The following CCDC88A variants were observed in gnomAD, a reference collection of about 807,000 sequenced individuals.
CCDC88A encodes coiled-coil and HOOK domain protein 88A.
CCDC88A carries 54 observed loss-of-function variants against 234.3 expected under a neutral mutation model. That is an observed-to-expected ratio of 0.23 (90% CI 0.19 to 0.29). The LOEUF (loss-of-function observed/expected upper bound fraction) is 0.29, where lower values mean the gene tolerates loss of function less well. CCDC88A is among the 10% of genes least tolerant of loss of function. CCDC88A has a pLI of 1.00. For synonymous variants in CCDC88A, 753 were observed against 737.8 expected, an observed-to-expected ratio of 1.02 and a Z score of -0.33; for missense variants, 1,832 against 2,123.4, an observed-to-expected ratio of 0.86 and a Z score of 2.70.
intron 2 of CCDC88A, among the ~76,000 whole-genome samples, chr2:55,414,090 G>A (rs1680956623): frequency 6.6e-6 from 1 of 152,126 alleles, no homozygotes. Flanking sequence ...AGTGTTCCAA[G>A]TACAGCTCTC....
At chr2:55,416,391 A>T (rs1228128768) in intron 2 of CCDC88A, among the ~76,000 whole-genome samples, 5 of 139,266 alleles carry the variant, frequency 3.6e-5, no homozygotes, top group Admixed American at 7.4e-5. Flanking sequence ...CTACTAATAT[A>T]TATGTAACTG....
intron 3 of CCDC88A, among the ~76,000 whole-genome samples, chr2:55,383,302 C>T (rs1674912963): frequency 6.6e-6 from 1 of 151,912 alleles, no homozygotes; most frequent in Non-Finnish European, 1.5e-5. Context: ...TCACTTTCCC[C>T]TTTGTGAGTC....
chr2:55,381,806 C>T (rs1422275152), intron 3 of CCDC88A, among the ~76,000 whole-genome samples: 3 of 152,130 alleles, frequency 2.0e-5, no homozygotes, highest in Admixed American at 2.0e-4. Flanking sequence ...CTTCGCTTTC[C>T]TGAATCACCA....
intron 22 of CCDC88A, 86 bp from the exon 23 acceptor site, chr2:55,312,665 T>G: frequency 2.1e-6 from 2 of 953,270 alleles, no homozygotes; most frequent in African/African-American, 3.3e-5. Flanking sequence ...ACACAAAGAT[T>G]TAAGTGTTCC....
At chr2:55,383,614 C>G (rs1674971016) in intron 3 of CCDC88A, among the ~76,000 whole-genome samples, 1 of 126,494 alleles carries the variant, frequency 7.9e-6, no homozygotes, top group South Asian at 2.6e-4. Context: ...CAAAGCGAGA[C>G]TCCGTCTTAA....
chr2:55,318,730 ATTTATC>A (rs1389504274), intron 19 of CCDC88A, 107 bp downstream of exon 19: 4 of 827,284 alleles, frequency 4.8e-6, no homozygotes, highest in Middle Eastern at 2.7e-4. Context: ...AAATATTTTC[ATTTATC>A]TTTAAGTTCA....
At chr2:55,413,667 A>G (rs985673495) in intron 2 of CCDC88A, among the ~76,000 whole-genome samples, 1 of 152,158 alleles carries the variant, frequency 6.6e-6, no homozygotes, top group Non-Finnish European at 1.5e-5. Context: ...CTCACAGCCT[A>G]GTCAATAGAG....
Position 55,288,511 on chromosome 2 carries a change from G to A in CCDC88A, c.*2689C>T, listed in dbSNP as rs916069424. ...AACCATTAAGACAGCACAGGCTGTAGTACTTCATTGTGAGGTGGCTACAAC... is the reference window on the plus strand; with the variant it reads ...AACCATTAAGACAGCACAGGCTGTAATACTTCATTGTGAGGTGGCTACAAC... On this transcript the variant is annotated 3_prime_UTR_variant, in exon 33 of 33. Transcript: ENST00000436346. 6.6e-6 allele frequency: 1 copy of A among 152,632 alleles called. No homozygotes were observed. Among genetic ancestry groups the A allele is most frequent in the Non-Finnish European group, 1.5e-5 (1 of 68,038 alleles). 9.5% of individuals were successfully genotyped at this position (152,632 alleles called of 1,614,324 possible). A position where few individuals can be genotyped will look rare whatever the true frequency, so the allele number is the denominator to read the frequency against.
At chr2:55,366,340 A>G (rs1399755676) in intron 5 of CCDC88A, among the ~76,000 whole-genome samples, 1 of 152,126 alleles carries the variant, frequency 6.6e-6, no homozygotes, top group African/African-American at 2.4e-5. Flanking sequence ...AGCCTGGCCA[A>G]CATGGTGACA....
In CCDC88A at chr2:55,309,895, T is replaced by A. The variant is rs1323523490; in HGVS notation, c.4080-641A>T. On this transcript the variant is annotated intron_variant, in intron 23 of 32. Coordinates refer to ENST00000436346, the MANE Select transcript of CCDC88A (RefSeq NM_001365480.1). The surrounding 1 kb of genome is among the most constrained non-coding windows in gnomAD (Gnocchi z 5.1). ...ATCCATAAATTAATATAATAACATATAATATTGTGTGTGTGTATATATATA... is the reference window on the plus strand; with the variant it reads ...ATCCATAAATTAATATAATAACATAAAATATTGTGTGTGTGTATATATATA... 6.6e-6 allele frequency among the ~76,000 whole-genome samples: 1 copy of A among 152,078 alleles called. No homozygotes were observed. Among genetic ancestry groups the A allele is most frequent in the Admixed American group, 6.6e-5 (1 of 15,256 alleles).
chr2:55,290,348 T>A lies in CCDC88A; in HGVS notation c.*852A>T, dbSNP rs1679361060. On this transcript the variant is annotated 3_prime_UTR_variant, in exon 33 of 33. Coordinates refer to ENST00000436346, the MANE Select transcript of CCDC88A (RefSeq NM_001365480.1). ...ACAGTCAGCTCTCAAGTTAAAAAAA[T>A]GCACACGCATACATAACCCAATACC... The A allele has an allele frequency of 6.6e-6, 1 of 151,984 alleles. No homozygotes were observed. The allele number at this position is 151,984 out of a possible 1,614,324, so 9.4% of individuals were successfully genotyped here.
In CCDC88A at chr2:55,312,483, G is replaced by C. The variant is rs1558647802; in HGVS notation, c.4030C>G (p.Gln1344Glu). The C allele has an allele frequency of 6.2e-7, 1 of 1,611,542 alleles. No individual in the cohort carries two copies. Among genetic ancestry groups the C allele is most frequent in the South Asian group, 1.1e-5 (1 of 90,882 alleles). Residue 1344 changes from glutamine (Q) to glutamate (E), a missense_variant, in exon 23 of 33, where the codon CAG becomes GAG. By Grantham distance (29) the Gln-to-Glu change is conservative. Transcript: ENST00000436346. ...LMLQNRTLLEQNMESKDLFHV... is the reference protein window; with the variant it reads ...LMLQNRTLLEENMESKDLFHV... Reference sequence around the variant, plus strand: ...AAAAGATCCTTGCTTTCCATATTCTGCTCCAAAAGTGTTCTGTTCTGTAGC... The same window carrying C: ...AAAAGATCCTTGCTTTCCATATTCTCCTCCAAAAGTGTTCTGTTCTGTAGC...
intron 2 of CCDC88A, among the ~76,000 whole-genome samples, chr2:55,399,026 T>C (rs2104934544): frequency 1.3e-5 from 2 of 152,292 alleles, no homozygotes; most frequent in Admixed American, 1.3e-4. Context: ...GTTATAATAA[T>C]GTAAATACTG....
At chr2:55,389,947 A>G (rs913290122) in intron 2 of CCDC88A, among the ~76,000 whole-genome samples, 2 of 149,972 alleles carry the variant, frequency 1.3e-5, no homozygotes, top group South Asian at 2.1e-4. Context: ...AGGCTGAGGC[A>G]GGAGAATCAC....
In CCDC88A at chr2:55,291,680, T is replaced by G; in HGVS notation, c.*31A>C. On this transcript the variant is annotated 3_prime_UTR_variant, in exon 32 of 33. Coordinates refer to ENST00000436346, the MANE Select transcript of CCDC88A (RefSeq NM_001365480.1). The stretch of plus-strand genomic sequence containing the variant: ...CATTTTAAGCAGGAAACTCACCACT[T>G]GGCCCACATGTCATGTAGTGGGTAA... 7.0e-7 allele frequency: 1 copy of G among 1,429,206 alleles called. No homozygotes were observed. Among genetic ancestry groups the G allele is most frequent in the Non-Finnish European group, 9.7e-7 (1 of 1,028,818 alleles). 88.5% of individuals were successfully genotyped at this position (1,429,206 alleles called of 1,614,324 possible).
rs1448908658 is a variant in CCDC88A, at chr2:55,290,866, T to C, written c.*334A>G. 6.6e-6 allele frequency: 1 copy of C among 152,568 alleles called. No homozygotes were observed. The highest frequency in any genetic ancestry group is 2.4e-5 in the African/African-American group (1 of 41,454). The allele number at this position is 152,568 out of a possible 1,614,324, so 9.5% of individuals were successfully genotyped here. ...AAAAAGCAGATTGTTCTTGGAGTAC[T>C]TCTTTAAACACTTAACCTTAAAACA... On this transcript the variant is annotated 3_prime_UTR_variant, in exon 33 of 33. Coordinates refer to ENST00000436346, the MANE Select transcript of CCDC88A (RefSeq NM_001365480.1).
intron 17 of CCDC88A, chr2:55,322,934 A>C: frequency 3.3e-6 from 1 of 305,074 alleles, no homozygotes; most frequent in East Asian, 5.5e-5. Context: ...TTTGTCGTGC[A>C]AATGCCCCTG....
chr2:55,346,507 C>T (rs1232200894), intron 9 of CCDC88A, among the ~76,000 whole-genome samples, 174 bp from the exon 10 acceptor site: 2 of 152,056 alleles, frequency 1.3e-5, no homozygotes, highest in African/African-American at 4.8e-5. Flanking sequence ...GCAACCTCCG[C>T]CTCCCAGGTT....
chr2:55,317,286 T>A lies in CCDC88A; in HGVS notation c.3666A>T (p.Glu1222Asp). 1.3e-6 allele frequency: 2 copies of A among 1,558,104 alleles called. No individual in the cohort carries two copies. The highest frequency in any genetic ancestry group is 1.7e-6 in the Non-Finnish European group (2 of 1,148,378). Residue 1222 changes from glutamate (E) to aspartate (D), a missense_variant, in exon 21 of 33, where the codon GAA becomes GAT. Physicochemically the swap from Glu to Asp is conservative, Grantham distance 45. Coordinates refer to ENST00000436346, the MANE Select transcript of CCDC88A (RefSeq NM_001365480.1). The surrounding 1 kb of genome is among the most constrained non-coding windows in gnomAD (Gnocchi z 4.2). ...TATTTTCAAGCAGCATTTTTTCCTG[T>A]TCTACTTTGAGCATTTTTTCCAAAT... ...LEDLEKMLKVEQEKMLLENKN... is the reference protein window; with the variant it reads ...LEDLEKMLKVDQEKMLLENKN...
Sources: gnomAD v4.1 joint callset for allele counts (sites outside exome capture counted in the v4.1 genomes callset) on GRCh38, gnomAD v4.1.1 for gene constraint, Gnocchi (gnomAD v3.1) non-coding constraint, MANE v1.5 for transcripts, NCBI Gene and HGNC (gene_info 2026-07-23, HGNC 2026-07-21) for gene names.